Variants in MEGF6 observed in about 807,000 individuals in gnomAD.
MEGF6 encodes the protein multiple EGF like domains 6, also known as multiple epidermal growth factor-like domains protein 6.
A neutral mutation model predicts 207.1 loss-of-function variants in MEGF6; 184 were observed. That is an observed-to-expected ratio of 0.89 (90% CI 0.79 to 1.00). The LOEUF (loss-of-function observed/expected upper bound fraction) is 1.00, where lower values mean the gene tolerates loss of function less well. Among genes scored for constraint, MEGF6 ranks in the 50% least tolerant of loss-of-function variants. MEGF6 has a pLI of 0.00. For synonymous variants in MEGF6, 1,038 were observed against 910.0 expected (o/e 1.14, Z -2.53); for missense variants, 2,282 against 2,202.9 (o/e 1.04, Z -0.72).
Position 3,489,670 on chromosome 1 carries a change from C to A in MEGF6, c.*858G>T, listed in dbSNP as rs1016051759. Among the ~76,000 whole-genome samples, 2 of 152,172 alleles carry A rather than the reference C, an allele frequency of 1.3e-5. No homozygotes were observed. The highest frequency in any genetic ancestry group is 6.5e-5 in the Admixed American group (1 of 15,272). The stretch of plus-strand genomic sequence containing the variant: ...AGGTTGCCCCTCCACACCAGCCCTC[C>A]TCCCCCTGGGCCATTCTCTGGGAAC... On this transcript the variant is annotated 3_prime_UTR_variant, in exon 37 of 37. Transcript: ENST00000356575.
chr1:3,591,989 C>T (rs555891606), intron 3 of MEGF6, among the ~76,000 whole-genome samples: 2 of 152,296 alleles, frequency 1.3e-5, no homozygotes, highest in Admixed American at 1.3e-4. Flanking sequence ...GGACGGGCAT[C>T]GGCATCCGGC....
chr1:3,516,232 C>A (rs1641536924), intron 5 of MEGF6, among the ~76,000 whole-genome samples: 1 of 152,242 alleles, frequency 6.6e-6, no homozygotes, highest in South Asian at 2.1e-4. Context: ...GTGCCCTGAG[C>A]TGGCGCAGGG....
chr1:3,622,264 C>T, the MEGF6 span, among the ~76,000 whole-genome samples: 1 of 152,074 alleles, frequency 6.6e-6, no homozygotes, highest in South Asian at 2.1e-4. Context: ...GCGATTTCCC[C>T]CGTGCTGTTC....
chr1:3,619,445 G>A, the MEGF6 span, among the ~76,000 whole-genome samples: 26 of 152,208 alleles, frequency 1.7e-4, no homozygotes, highest in African/African-American at 5.8e-4. Flanking sequence ...GTATGGTTTG[G>A]CTGTATGCCC....
intron 4 of MEGF6, among the ~76,000 whole-genome samples, chr1:3,532,513 C>G (rs763842290): frequency 3.9e-5 from 6 of 152,226 alleles, no homozygotes; most frequent in Non-Finnish European, 8.8e-5. Flanking sequence ...ACTGGGCGCC[C>G]GCCCACACTG....
At chr1:3,623,811 C>T in the MEGF6 span, among the ~76,000 whole-genome samples, 2 of 152,168 alleles carry the variant, frequency 1.3e-5, no homozygotes, top group African/African-American at 2.4e-5. Context: ...GGATTTTGGC[C>T]TCCCTTTTCT....
At chr1:3,547,088 C>A in intron 4 of MEGF6, 1 of 156,516 alleles carries the variant, frequency 6.4e-6, no homozygotes, top group Non-Finnish European at 1.4e-5. Context: ...CACCGACCCG[C>A]ACAGCCCCCG....
intron 14 of MEGF6, among the ~76,000 whole-genome samples, chr1:3,506,581 G>A (rs554561946): frequency 7.9e-5 from 12 of 152,298 alleles, no homozygotes; most frequent in Admixed American, 3.9e-4. Flanking sequence ...TGATCTCAGA[G>A]CCTCAAAGCG....
At chr1:3,524,737 T>A (rs1641896421) in intron 4 of MEGF6, among the ~76,000 whole-genome samples, 1 of 152,170 alleles carries the variant, frequency 6.6e-6, no homozygotes, top group Admixed American at 6.5e-5. Context: ...TTCATGGCCA[T>A]CTGGAGCCTT....
At chr1:3,500,441 GCC>G (rs1006972502) in intron 21 of MEGF6, among the ~76,000 whole-genome samples, 190 bp downstream of exon 21, 19 of 152,276 alleles carry the variant, frequency 1.2e-4, no homozygotes, top group Non-Finnish European at 2.4e-4. Flanking sequence ...CCAGGGCCCA[GCC>G]GCAGTGCGCA....
In MEGF6 at chr1:3,573,084, G is replaced by A. The variant is rs1171812462; in HGVS notation, c.481+6741C>T. On this transcript the variant is annotated intron_variant, in intron 4 of 36. Transcript: ENST00000356575. The surrounding 1 kb of genome is among the most constrained non-coding windows in gnomAD (Gnocchi z 5.1). ...CTCCCTGGTGGGCTGGGTTCCCTCA[G>A]GTGTGCTGGGTCCTTCCTGGTATGC... Among the ~76,000 whole-genome samples the A allele has an allele frequency of 2.0e-5, 3 of 149,408 alleles. No individual in the cohort carries two copies. The highest frequency in any genetic ancestry group is 2.0e-4 in the Admixed American group (3 of 15,082).
chr1:3,601,762 A>G (rs776364544), intron 2 of MEGF6, among the ~76,000 whole-genome samples: 5 of 152,220 alleles, frequency 3.3e-5, no homozygotes, highest in Non-Finnish European at 7.3e-5. Context: ...TTGACCAGAA[A>G]GCTGCCAGAG....
chr1:3,531,378 T>G, intron 4 of MEGF6: 1 of 1,171,820 alleles, frequency 8.5e-7, no homozygotes, highest in African/African-American at 1.6e-5. Flanking sequence ...AGCCCCGGGA[T>G]CCGCTCCGCT....
intron 4 of MEGF6, among the ~76,000 whole-genome samples, chr1:3,571,025 CCT>C (rs1171651560): frequency 6.6e-6 from 1 of 152,160 alleles, no homozygotes; most frequent in Non-Finnish European, 1.5e-5. Context: ...ATGGCTGACA[CCT>C]CCATGTTCCT....
chr1:3,579,575 C>T (rs933885613), intron 4 of MEGF6, among the ~76,000 whole-genome samples: 1 of 152,230 alleles, frequency 6.6e-6, no homozygotes, highest in African/African-American at 2.4e-5. Flanking sequence ...ACGCAGTGGG[C>T]GCTGAGATGA....
chr1:3,493,499 C>T lies in MEGF6; in HGVS notation c.4387+272G>A, dbSNP rs146922056. The T allele has an allele frequency of 2.5e-3, 1,316 of 531,926 alleles. 27 individuals are homozygous for T. In the East Asian group the frequency reaches 0.036, roughly 15 times the overall value. 33.0% of individuals were successfully genotyped at this position (531,926 alleles called of 1,614,324 possible). A position where few individuals can be genotyped will look rare whatever the true frequency, so the allele number is the denominator to read the frequency against. On this transcript the variant is annotated intron_variant, in intron 34 of 36. Coordinates refer to ENST00000356575, the MANE Select transcript of MEGF6 (RefSeq NM_001409.4). ...GATCAGGGAAGTCTTTCCACCCAAC[C>T]AGAGCCCCCTCCCATGACCATGGCC...
At chr1:3,532,476 G>A (rs1642208903) in intron 4 of MEGF6, among the ~76,000 whole-genome samples, 1 of 152,212 alleles carries the variant, frequency 6.6e-6, no homozygotes, top group African/African-American at 2.4e-5. Context: ...ACCACCTCCA[G>A]CACTGGCGGT....
Position 3,573,242 on chromosome 1 carries a change from G to T in MEGF6, c.481+6583C>A, listed in dbSNP as rs1010940275. Among the ~76,000 whole-genome samples, 4 of 151,890 alleles carry T rather than the reference G, an allele frequency of 2.6e-5. No individual in the cohort carries two copies. The highest frequency in any genetic ancestry group is 5.9e-5 in the Non-Finnish European group (4 of 67,966). Reference sequence around the variant, plus strand: ...GTGTGTGCTGGGTTCCCCCAGGTTTGCTGGGTCCTCCCAGGTGTGCTGGGT... The same window carrying T: ...GTGTGTGCTGGGTTCCCCCAGGTTTTCTGGGTCCTCCCAGGTGTGCTGGGT... On this transcript the variant is annotated intron_variant, in intron 4 of 36. Transcript: ENST00000356575. The surrounding 1 kb of genome is among the most constrained non-coding windows in gnomAD (Gnocchi z 5.1).
At chr1:3,550,368 AG>A (rs1642845132) in intron 4 of MEGF6, among the ~76,000 whole-genome samples, 1 of 152,158 alleles carries the variant, frequency 6.6e-6, no homozygotes, top group Non-Finnish European at 1.5e-5. Flanking sequence ...GCCCATCTCG[AG>A]AGGTCACACA....
Sources: gnomAD v4.1 joint callset for allele counts (sites outside exome capture counted in the v4.1 genomes callset) on GRCh38, gnomAD v4.1.1 for gene constraint, Gnocchi (gnomAD v3.1) non-coding constraint, MANE v1.5 for transcripts, NCBI Gene and HGNC (gene_info 2026-07-23, HGNC 2026-07-21) for gene names.